MAGI2: variants seen among roughly 807,000 people sequenced by gnomAD.
MAGI2 encodes membrane associated guanylate kinase, WW and PDZ domain containing 2, also known as membrane-associated guanylate kinase, WW and PDZ domain-containing protein 2.
In MAGI2, 35 loss-of-function variants were observed where a neutral mutation model predicts 133.3. The observed-to-expected ratio is 0.26, with a 90% CI of 0.20 to 0.35. MAGI2 has a LOEUF of 0.35. Ranked by LOEUF, MAGI2 falls within the 10% of genes least tolerant of loss-of-function variation. The probability of loss-of-function intolerance (pLI) is 1.00; values close to 1 mark genes in which losing one functional copy is unlikely to be tolerated. For synonymous variants in MAGI2, 729 were observed against 710.6 expected, an observed-to-expected ratio of 1.03 and a Z score of -0.41; for missense variants, 1,636 against 1,863.4, an observed-to-expected ratio of 0.88 and a Z score of 2.25.
chr7:78,614,323 C>T (rs912460708), intron 3 of MAGI2: 8 of 150,514 alleles, frequency 5.3e-5, no homozygotes, highest in Admixed American at 1.3e-4. Flanking sequence ...GAAAACATTT[C>T]CACATACTAT....
chr7:78,701,992 T>C (rs1818124814), intron 2 of MAGI2, among the ~76,000 whole-genome samples: 1 of 151,968 alleles, frequency 6.6e-6, no homozygotes, highest in Non-Finnish European at 1.5e-5. Flanking sequence ...TGAATTCTCA[T>C]AATTCTAGAC....
At chr7:78,768,257 C>G (rs1825227890) in intron 2 of MAGI2, among the ~76,000 whole-genome samples, 1 of 152,164 alleles carries the variant, frequency 6.6e-6, no homozygotes, top group South Asian at 2.1e-4. Context: ...ACTTGGTAAT[C>G]CTCTTAGGAA....
At chr7:78,639,402 A>G (rs1038581890) in intron 2 of MAGI2, among the ~76,000 whole-genome samples, 3 of 152,192 alleles carry the variant, frequency 2.0e-5, no homozygotes, top group Non-Finnish European at 4.4e-5. Context: ...GGAGGGAAGA[A>G]ACAAAGAAGA....
chr7:79,035,796 T>C (rs71555019), intron 1 of MAGI2, among the ~76,000 whole-genome samples: 2 of 152,156 alleles, frequency 1.3e-5, no homozygotes, highest in East Asian at 3.9e-4. Flanking sequence ...TTGTTACTTT[T>C]CCAAAAATGA....
chr7:79,291,635 T>C (rs915108856), intron 1 of MAGI2, among the ~76,000 whole-genome samples: 1 of 152,166 alleles, frequency 6.6e-6, no homozygotes, highest in Non-Finnish European at 1.5e-5. Context: ...TATCACATTG[T>C]GTTTTAAATT....
intron 1 of MAGI2, among the ~76,000 whole-genome samples, chr7:79,448,255 T>A (rs1436526599): frequency 6.6e-6 from 1 of 152,078 alleles, no homozygotes; most frequent in African/African-American, 2.4e-5. Context: ...TTGATATTAT[T>A]CTTCAAATAA....
chr7:78,369,993 T>A (rs1361886134), intron 6 of MAGI2, among the ~76,000 whole-genome samples: 1 of 152,076 alleles, frequency 6.6e-6, no homozygotes, highest in African/African-American at 2.4e-5. Flanking sequence ...GAATGCTGTA[T>A]TTTTCTTGGT....
intron 21 of MAGI2, among the ~76,000 whole-genome samples, chr7:78,020,574 A>G (rs1020015145): frequency 1.5e-4 from 13 of 87,150 alleles, no homozygotes; most frequent in Admixed American, 5.3e-4. Context: ...GATGGGCTCA[A>G]AAAAAAAAGG....
chr7:78,787,003 G>A (rs968273878), intron 2 of MAGI2, among the ~76,000 whole-genome samples: 28 of 151,552 alleles, frequency 1.8e-4, no homozygotes, highest in Admixed American at 1.7e-3. Context: ...AAGCTGGAGT[G>A]TAGTGGCGCG....
At chr7:78,778,995 C>T (rs932117762) in intron 2 of MAGI2, among the ~76,000 whole-genome samples, 2 of 149,748 alleles carry the variant, frequency 1.3e-5, no homozygotes, top group Non-Finnish European at 3.0e-5. Context: ...CAACCTATGC[C>T]TCCCCGGTTC....
At chr7:78,687,583 A>G (rs1013898088) in intron 2 of MAGI2, among the ~76,000 whole-genome samples, 1 of 152,142 alleles carries the variant, frequency 6.6e-6, no homozygotes, top group East Asian at 1.9e-4. Context: ...TGTCCAATAA[A>G]TGTATGTTGA....
intron 9 of MAGI2, among the ~76,000 whole-genome samples, chr7:78,339,500 T>C (rs1346599641): frequency 6.6e-6 from 1 of 152,226 alleles, no homozygotes; most frequent in Non-Finnish European, 1.5e-5. Context: ...TCTTTTCTAG[T>C]TTTGAAACAT....
At chr7:78,327,847 T>G (rs559830433) in intron 9 of MAGI2, among the ~76,000 whole-genome samples, 1 of 152,252 alleles carries the variant, frequency 6.6e-6, no homozygotes, top group Non-Finnish European at 1.5e-5. Flanking sequence ...AGCCCTGGAC[T>G]TCTGACTCAG....
intron 9 of MAGI2, among the ~76,000 whole-genome samples, chr7:78,315,227 G>A (rs1787286134): frequency 6.6e-6 from 1 of 152,130 alleles, no homozygotes; most frequent in Non-Finnish European, 1.5e-5. Context: ...AGGGACATCA[G>A]TAAGCAATAT....
At chr7:78,421,723 G>A (rs1798814723) in intron 6 of MAGI2, among the ~76,000 whole-genome samples, 2 of 152,124 alleles carry the variant, frequency 1.3e-5, no homozygotes, top group Admixed American at 6.5e-5. Flanking sequence ...AGGATTGATT[G>A]AGGCTGGGAG....
At chr7:78,970,923 A>T (rs1803734820) in intron 2 of MAGI2, among the ~76,000 whole-genome samples, 1 of 152,064 alleles carries the variant, frequency 6.6e-6, no homozygotes, top group Non-Finnish European at 1.5e-5. Context: ...TGGAGAGAGG[A>T]ATGCTAACTG....
intron 1 of MAGI2, among the ~76,000 whole-genome samples, chr7:79,059,127 T>C (rs576462278): frequency 6.8e-4 from 103 of 152,216 alleles, no homozygotes; most frequent in Non-Finnish European, 1.1e-3. Flanking sequence ...TCTGATATTT[T>C]TAATTATATT....
intron 2 of MAGI2, among the ~76,000 whole-genome samples, chr7:78,695,279 C>T (rs571033159): frequency 6.6e-6 from 1 of 152,288 alleles, no homozygotes; most frequent in South Asian, 2.1e-4. Flanking sequence ...TTCATAAATA[C>T]ATATAGAACA....
At chr7:78,664,412 G>C (rs987034437) in intron 2 of MAGI2, among the ~76,000 whole-genome samples, 1 of 151,932 alleles carries the variant, frequency 6.6e-6, no homozygotes, top group East Asian at 1.9e-4. Flanking sequence ...CATTATAATG[G>C]AAACATTCTC....
Sources: gnomAD v4.1 joint callset for allele counts (sites outside exome capture counted in the v4.1 genomes callset) on GRCh38, gnomAD v4.1.1 for gene constraint, MANE v1.5 for transcripts, NCBI Gene and HGNC (gene_info 2026-07-23, HGNC 2026-07-21) for gene names.